Variants in MCTP1 observed in about 807,000 individuals in gnomAD.
The protein encoded by MCTP1 is multiple C2 and transmembrane domain containing 1.
A neutral mutation model predicts 120.6 loss-of-function variants in MCTP1; 69 were observed. That is an observed-to-expected ratio of 0.57 (90% CI 0.47 to 0.70). MCTP1 has a LOEUF of 0.70. Among genes scored for constraint, MCTP1 ranks in the 30% least tolerant of loss-of-function variants. MCTP1 has a pLI of 0.00. For synonymous variants in MCTP1, 529 were observed against 493.1 expected (o/e 1.07, Z -0.96); for missense variants, 1,203 against 1,248.8 (o/e 0.96, Z 0.55).
intron 1 of MCTP1, among the ~76,000 whole-genome samples, chr5:95,110,523 GT>G (rs1757378008): frequency 2.0e-5 from 3 of 152,134 alleles, no homozygotes; most frequent in Admixed American, 1.3e-4. Context: ...TGGATGTTAT[GT>G]GAGTTAAAAT....
intron 1 of MCTP1, among the ~76,000 whole-genome samples, chr5:95,134,783 G>C (rs1759307509): frequency 6.6e-6 from 1 of 152,016 alleles, no homozygotes; most frequent in African/African-American, 2.4e-5. Context: ...ATACAGGTAG[G>C]CTGGATTAAC....
chr5:95,241,386 C>T (rs1361937459), intron 1 of MCTP1, among the ~76,000 whole-genome samples: 5 of 152,100 alleles, frequency 3.3e-5, no homozygotes, highest in Admixed American at 3.3e-4. Context: ...ATTTTTAGAA[C>T]ATTAAGAAGT....
At chr5:94,900,703 G>T (rs1805278652) in intron 10 of MCTP1, among the ~76,000 whole-genome samples, 1 of 152,198 alleles carries the variant, frequency 6.6e-6, no homozygotes, top group African/African-American at 2.4e-5. Flanking sequence ...TTTGGCATCA[G>T]AGTCCATGGC....
At chr5:95,178,276 G>A (rs1007423027) in intron 1 of MCTP1, among the ~76,000 whole-genome samples, 1 of 152,174 alleles carries the variant, frequency 6.6e-6, no homozygotes, top group Non-Finnish European at 1.5e-5. Flanking sequence ...CCTGGCAGCT[G>A]AAGACAAAGA....
Position 94,873,142 on chromosome 5 carries a change from G to A in MCTP1, c.2033C>T (p.Thr678Met), listed in dbSNP as rs142518982. ...NLNPEWNKVF[T>M]FNIKDIHSVL... ...GCCCAAAGAAATGCCTACTTACAAC[G>A]TGAAGACTTTATTCCACTCAGGATT... Residue 678 changes from threonine to methionine, a missense_variant, in exon 13 of 23, where the codon ACG becomes ATG. This residue lies in a region of MCTP1 where 740 missense variants were observed against 871.1 expected (regional missense o/e 0.85). Coordinates refer to ENST00000515393, the MANE Select transcript of MCTP1 (RefSeq NM_024717.7). The A allele has an allele frequency of 3.3e-5, 52 of 1,563,718 alleles. No individual in the cohort carries two copies. Among genetic ancestry groups the A allele is most frequent in the Middle Eastern group, 1.7e-4 (1 of 5,984 alleles).
Position 95,201,364 on chromosome 5 carries a change from TAATAC to T in MCTP1, c.720+82487_720+82491del, listed in dbSNP as rs894244760. On this transcript the variant is annotated intron_variant, in intron 1 of 22. Coordinates refer to ENST00000515393, the MANE Select transcript of MCTP1 (RefSeq NM_024717.7). ...CATTAAAGTTTGAAAAGCAGTATGATAATACAATATACTACCTTTTTGTTATGATT... is the reference window on the plus strand; with the variant it reads ...CATTAAAGTTTGAAAAGCAGTATGATAATATACTACCTTTTTGTTATGATT... Among the ~76,000 whole-genome samples the T allele has an allele frequency of 2.6e-5, 4 of 151,054 alleles. No individual in the cohort carries two copies. The South Asian group carries it at 6.3e-4, about 24-fold the overall frequency.
chr5:94,997,216 C>T (rs183900840), intron 2 of MCTP1, among the ~76,000 whole-genome samples: 3 of 152,304 alleles, frequency 2.0e-5, no homozygotes, highest in African/African-American at 7.2e-5. Context: ...TTAAAGCTGC[C>T]TCAGAATCAA....
chr5:94,752,817 G>A (rs543969295), intron 19 of MCTP1, among the ~76,000 whole-genome samples: 45 of 152,216 alleles, frequency 3.0e-4, no homozygotes, highest in Non-Finnish European at 6.3e-4. Flanking sequence ...ACCTCTGAAA[G>A]TGAAAGCTAT....
chr5:94,743,897 C>T (rs1766234044), intron 19 of MCTP1, among the ~76,000 whole-genome samples: 1 of 151,956 alleles, frequency 6.6e-6, no homozygotes, highest in South Asian at 2.1e-4. Flanking sequence ...CCTCGGTCTC[C>T]CAAAGTGCTA....
intron 1 of MCTP1, among the ~76,000 whole-genome samples, chr5:95,225,880 A>AAATATGTATTTC (rs1343592175): frequency 1.9e-4 from 29 of 152,268 alleles, no homozygotes; most frequent in African/African-American, 6.7e-4. Context: ...ATTTCATTAA[A>AAATATGTATTTC]ATGAGGGGAG....
At chr5:95,128,221 G>A (rs994451244) in intron 1 of MCTP1, among the ~76,000 whole-genome samples, 1 of 152,190 alleles carries the variant, frequency 6.6e-6, no homozygotes, top group Non-Finnish European at 1.5e-5. Flanking sequence ...AGTTATGGTG[G>A]CCCAAACCAC....
At chr5:94,725,537 TC>T (rs1761939679) in intron 19 of MCTP1, among the ~76,000 whole-genome samples, 1 of 152,236 alleles carries the variant, frequency 6.6e-6, no homozygotes. Context: ...TAAAAAAACT[TC>T]TTTTGAAATT....
At chr5:94,966,586 G>A (rs1264375991) in intron 2 of MCTP1, among the ~76,000 whole-genome samples, 1 of 152,058 alleles carries the variant, frequency 6.6e-6, no homozygotes, top group Admixed American at 6.6e-5. Context: ...ACAAGGTCAG[G>A]AGATCAAGAC....
At chr5:95,106,686 G>A (rs1757112333) in intron 1 of MCTP1, among the ~76,000 whole-genome samples, 1 of 152,294 alleles carries the variant, frequency 6.6e-6, no homozygotes, top group East Asian at 1.9e-4. Flanking sequence ...AGGTTCTGGG[G>A]CTGCATGTAT....
chr5:95,084,885 CTTT>C (rs545261607), intron 1 of MCTP1, among the ~76,000 whole-genome samples: 10 of 152,058 alleles, frequency 6.6e-5, no homozygotes, highest in Admixed American at 2.0e-4. Flanking sequence ...GTTTCAACCC[CTTT>C]TTAAAAATGA....
chr5:94,983,057 T>C (rs1394358983), intron 2 of MCTP1, among the ~76,000 whole-genome samples: 6 of 152,028 alleles, frequency 3.9e-5, no homozygotes, highest in Non-Finnish European at 8.8e-5. Context: ...GGGGGACACA[T>C]GTAAAGTACC....
chr5:94,903,751 G>A (rs746861143), intron 10 of MCTP1, among the ~76,000 whole-genome samples: 1 of 151,922 alleles, frequency 6.6e-6, no homozygotes, highest in Admixed American at 6.6e-5. Flanking sequence ...CCAAATCAAC[G>A]CCACTTTAAA....
intron 1 of MCTP1, among the ~76,000 whole-genome samples, chr5:95,226,781 C>T (rs887201690): frequency 1.3e-5 from 2 of 151,876 alleles, no homozygotes; most frequent in African/African-American, 4.8e-5. Context: ...AGAACAGTCC[C>T]ATTTTAAACT....
intron 10 of MCTP1, among the ~76,000 whole-genome samples, chr5:94,907,547 C>A (rs1807246293): frequency 6.9e-6 from 1 of 144,090 alleles, no homozygotes; most frequent in African/African-American, 2.8e-5. Flanking sequence ...TTCTACCCAG[C>A]AATTTGTACT....
Sources: gnomAD v4.1 joint callset for allele counts (sites outside exome capture counted in the v4.1 genomes callset) on GRCh38, gnomAD v4.1.1 for gene constraint, gnomAD v4.1.1 regional missense constraint, MANE v1.5 for transcripts, NCBI Gene and HGNC (gene_info 2026-07-23, HGNC 2026-07-21) for gene names.